The following HSPA12A variants were observed in gnomAD, a reference collection of about 807,000 sequenced individuals.
HSPA12A encodes heat shock 70 kDa protein 12A.
A neutral mutation model predicts 69.2 loss-of-function variants in HSPA12A; 28 were observed. The ratio of observed to expected loss-of-function variants is 0.40; its 90% CI spans 0.30 to 0.55. HSPA12A has a LOEUF of 0.55. Among genes scored for constraint, HSPA12A ranks in the 20% least tolerant of loss-of-function variants. The probability of loss-of-function intolerance (pLI) is 0.38; values close to 1 mark genes in which losing one functional copy is unlikely to be tolerated. For synonymous variants in HSPA12A, 345 were observed against 370.5 expected (o/e 0.93, Z 0.79); for missense variants, 686 against 900.7 (o/e 0.76, Z 3.05).
chr10:116,816,624 A>G (rs1474001255), intron 2 of HSPA12A, among the ~76,000 whole-genome samples: 1 of 152,228 alleles, frequency 6.6e-6, no homozygotes, highest in Non-Finnish European at 1.5e-5. Context: ...CTGCTCACGT[A>G]AAACAGCCCC....
At chr10:116,688,745 G>A (rs1479227715) in intron 6 of HSPA12A, among the ~76,000 whole-genome samples, 1 of 152,238 alleles carries the variant, frequency 6.6e-6, no homozygotes, top group Non-Finnish European at 1.5e-5. Context: ...TGTTAGATGA[G>A]AGGATCATAC....
chr10:116,791,722 G>A (rs3125622), intron 2 of HSPA12A, among the ~76,000 whole-genome samples: 124,677 of 151,974 alleles, frequency 0.82, 53,141 homozygotes, highest in Non-Finnish European at 0.93. Context: ...CTAAATTGTT[G>A]AGAAAAGGTT....
At chr10:116,849,172 T>C (rs1845971135) in intron 1 of HSPA12A, among the ~76,000 whole-genome samples, 1 of 152,134 alleles carries the variant, frequency 6.6e-6, no homozygotes, top group Admixed American at 6.5e-5. Flanking sequence ...CCCAAGACGC[T>C]GGGCCACTGG....
Position 116,702,025 on chromosome 10 carries a change from T to C in HSPA12A, c.255-896A>G, listed in dbSNP as rs563970368. Among the ~76,000 whole-genome samples the C allele has an allele frequency of 2.1e-4, 32 of 152,018 alleles. No homozygotes were observed. In the East Asian group the frequency reaches 3.5e-3, roughly 17 times the overall value. On this transcript the variant is annotated intron_variant, in intron 3 of 11. Coordinates refer to ENST00000369209, the MANE Select transcript of HSPA12A (RefSeq NM_025015.3). ...ACCATAGAAACAGATCTCAGCACTC[T>C]GGGGGGCCAAGGTGGGAGGATTGCA...
rs782197303 is a variant in HSPA12A at position 116,681,839 on chromosome 10, A to C, written c.874T>G (p.Phe292Val). The change falls in exon 8 of 12, where the codon TTT (phenylalanine) becomes GTT (valine). Residue 292 changes from phenylalanine (F) to valine (V), a missense_variant. Phe to Val is a conservative substitution (Grantham distance 50, BLOSUM62 -1). Transcript: ENST00000369209. ...HIRRNRQSRT[F>V]LVENVIGEIW... is the part of the protein sequence containing the mutation. ...TCTCCTATGACATTCTCCACCAAAA[A>C]GGTCCGACTCTGCCGATTACGCCGT... The C allele has an allele frequency of 1.2e-6, 2 of 1,614,170 alleles. No individual in the cohort carries two copies. Among genetic ancestry groups the C allele is most frequent in the Non-Finnish European group, 1.7e-6 (2 of 1,180,006 alleles).
At chr10:116,741,562 G>A (rs1268732198) in intron 1 of HSPA12A, among the ~76,000 whole-genome samples, 2 of 152,212 alleles carry the variant, frequency 1.3e-5, no homozygotes, top group African/African-American at 2.4e-5. Flanking sequence ...GGGACCCACA[G>A]GAAGACTGGA....
rs887020315 is a variant in HSPA12A at position 116,671,416 on chromosome 10, C to T, written c.*3365G>A. ...TTTTATATTAGCCATCCACTCAAGC[C>T]GTTTCCCAGCATACATATGCAGCTT... On this transcript the variant is annotated 3_prime_UTR_variant, in exon 12 of 12. Transcript: ENST00000369209. The T allele has an allele frequency of 5.3e-5, 8 of 152,178 alleles. No homozygotes were observed. Among genetic ancestry groups the T allele is most frequent in the Admixed American group, 1.3e-4 (2 of 15,286 alleles). 9.4% of individuals were successfully genotyped at this position (152,178 alleles called of 1,614,324 possible). A position where few individuals can be genotyped will look rare whatever the true frequency, so the allele number is the denominator to read the frequency against.
chr10:116,755,161 C>T (rs1253974911), intron 2 of HSPA12A, among the ~76,000 whole-genome samples: 1 of 152,042 alleles, frequency 6.6e-6, no homozygotes, highest in Non-Finnish European at 1.5e-5. Flanking sequence ...ACCATGTTGG[C>T]CAGCTGGTCT....
intron 2 of HSPA12A, among the ~76,000 whole-genome samples, chr10:116,801,364 A>G (rs1331970963): frequency 2.0e-5 from 3 of 152,250 alleles, no homozygotes; most frequent in Admixed American, 6.5e-5. Flanking sequence ...TAAACAACCA[A>G]TCACGCTGCA....
chr10:116,725,792 T>C lies in HSPA12A; in HGVS notation c.40+16638A>G, dbSNP rs555567462. Reference sequence around the variant, plus strand: ...TTATGTTTTGCAGTTTATTTCTGCCTCATCGCTAATATTTCATTAGAAAGT... The same window carrying C: ...TTATGTTTTGCAGTTTATTTCTGCCCCATCGCTAATATTTCATTAGAAAGT... On this transcript the variant is annotated intron_variant, in intron 1 of 11. Transcript: ENST00000369209. Among the ~76,000 whole-genome samples the C allele has an allele frequency of 9.1e-4, 139 of 152,194 alleles. 2 individuals carry two copies. In the South Asian group the frequency reaches 0.026, roughly 29 times the overall value.
At chr10:116,839,496 T>A (rs1368580434) in intron 1 of HSPA12A, among the ~76,000 whole-genome samples, 1 of 149,442 alleles carries the variant, frequency 6.7e-6, no homozygotes, top group African/African-American at 2.5e-5. Flanking sequence ...CCTCCAGTAA[T>A]ATCCATCCAA....
chr10:116,704,195 G>C (rs1850164943), intron 3 of HSPA12A, among the ~76,000 whole-genome samples: 1 of 152,268 alleles, frequency 6.6e-6, no homozygotes, highest in East Asian at 1.9e-4. Flanking sequence ...CAATAGCAAA[G>C]ACTTGGAACC....
chr10:116,720,931 T>C (rs1564794957), intron 1 of HSPA12A, among the ~76,000 whole-genome samples: 3 of 152,202 alleles, frequency 2.0e-5, no homozygotes, highest in Admixed American at 2.0e-4. Flanking sequence ...CTGCCCAGGA[T>C]GCAGGGACAC....
chr10:116,724,848 C>T (rs1850900612), intron 1 of HSPA12A, among the ~76,000 whole-genome samples: 1 of 152,164 alleles, frequency 6.6e-6, no homozygotes, highest in South Asian at 2.1e-4. Context: ...TCTTTGCCTG[C>T]TCCTCAGTCT....
chr10:116,828,000 G>A (rs1236791215), intron 2 of HSPA12A, among the ~76,000 whole-genome samples: 2 of 152,162 alleles, frequency 1.3e-5, no homozygotes, highest in Admixed American at 6.5e-5. Context: ...GTAAGACCTC[G>A]TGGTATGCAT....
At chr10:116,844,335 A>G (rs548552482) in intron 1 of HSPA12A, among the ~76,000 whole-genome samples, 1 of 152,360 alleles carries the variant, frequency 6.6e-6, no homozygotes, top group African/African-American at 2.4e-5. Flanking sequence ...TTACTATTAT[A>G]GTGGTAATGA....
chr10:116,702,358 G>A (rs782041627), intron 3 of HSPA12A, among the ~76,000 whole-genome samples: 2 of 152,164 alleles, frequency 1.3e-5, no homozygotes, highest in Non-Finnish European at 2.9e-5. Flanking sequence ...GAGGGAAAAT[G>A]AGCCACTTTC....
At chr10:116,821,004 C>T (rs976975101) in intron 2 of HSPA12A, among the ~76,000 whole-genome samples, 1 of 152,108 alleles carries the variant, frequency 6.6e-6, no homozygotes, top group African/African-American at 2.4e-5. Flanking sequence ...CCCCTGCACC[C>T]CTGCAAAATC....
chr10:116,775,091 G>A (rs1358858434), intron 2 of HSPA12A, among the ~76,000 whole-genome samples: 3 of 152,126 alleles, frequency 2.0e-5, no homozygotes, highest in African/African-American at 7.2e-5. Flanking sequence ...CCAGACACCT[G>A]GCACAGGTGC....
Sources: gnomAD v4.1 joint callset for allele counts (sites outside exome capture counted in the v4.1 genomes callset) on GRCh38, gnomAD v4.1.1 for gene constraint, MANE v1.5 for transcripts, NCBI Gene and HGNC (gene_info 2026-07-23, HGNC 2026-07-21) for gene names.